DLG2: variants seen among roughly 807,000 people sequenced by gnomAD.
DLG2 encodes discs large MAGUK scaffold protein 2.
DLG2 carries 45 observed loss-of-function variants against 132.5 expected under a neutral mutation model. The ratio of observed to expected loss-of-function variants is 0.34; its 90% confidence interval spans 0.27 to 0.44. The LOEUF (loss-of-function observed/expected upper bound fraction) is 0.44. DLG2 is among the 20% of genes least tolerant of loss of function. The pLI, the probability that DLG2 is intolerant of heterozygous loss-of-function variation, is 1.00. For missense variants in DLG2, 1,045 were observed against 1,196.9 expected, an observed-to-expected ratio of 0.87 and a Z score of 1.87; for synonymous variants, 424 against 419.6, an observed-to-expected ratio of 1.01 and a Z score of -0.13.
chr11:83,844,732 G>A (rs932564922), intron 16 of DLG2, among the ~76,000 whole-genome samples: 1 of 152,000 alleles, frequency 6.6e-6, no homozygotes. Context: ...TGAGGTCGAG[G>A]TGATCTCCAG....
chr11:84,085,806 A>G (rs191663909), intron 10 of DLG2, among the ~76,000 whole-genome samples: 1 of 152,336 alleles, frequency 6.6e-6, no homozygotes, highest in East Asian at 1.9e-4. Flanking sequence ...GAATCATCAC[A>G]TCTATGTCTC....
chr11:85,524,969 T>C (rs1211237507), intron 3 of DLG2: 1 of 152,188 alleles, frequency 6.6e-6, no homozygotes, highest in African/African-American at 2.4e-5. Context: ...AATACTGGCA[T>C]ACATTTGACA....
At chr11:84,503,153 G>A (rs1299763446) in intron 7 of DLG2, among the ~76,000 whole-genome samples, 1 of 152,128 alleles carries the variant, frequency 6.6e-6, no homozygotes, top group African/African-American at 2.4e-5. Context: ...GAGAGCAAGA[G>A]GTAATACAAT....
intron 19 of DLG2, among the ~76,000 whole-genome samples, chr11:83,543,951 A>G (rs1295677143): frequency 6.6e-6 from 1 of 152,168 alleles, no homozygotes; most frequent in Admixed American, 6.6e-5. Flanking sequence ...GTTTGTACAA[A>G]CAATATCATT....
At chr11:84,057,111 C>T (rs1016561693) in intron 11 of DLG2, among the ~76,000 whole-genome samples, 13 of 152,144 alleles carry the variant, frequency 8.5e-5, no homozygotes, top group African/African-American at 2.9e-4. Context: ...CCAGGTCCCA[C>T]AGCAATTACT....
chr11:84,680,627 T>G (rs1007789822), intron 6 of DLG2, among the ~76,000 whole-genome samples: 1 of 152,198 alleles, frequency 6.6e-6, no homozygotes, highest in African/African-American at 2.4e-5. Flanking sequence ...TGAAATAAAC[T>G]TTTGCTTTGC....
chr11:83,672,360 A>T (rs969807961), intron 18 of DLG2, among the ~76,000 whole-genome samples: 1 of 152,042 alleles, frequency 6.6e-6, no homozygotes, highest in Admixed American at 6.6e-5. Context: ...TACTTTTAGT[A>T]GATACAGGGT....
At chr11:83,907,652 C>T (rs1482246582) in intron 15 of DLG2, among the ~76,000 whole-genome samples, 1 of 152,094 alleles carries the variant, frequency 6.6e-6, no homozygotes, top group Non-Finnish European at 1.5e-5. Context: ...GGCCCATCAA[C>T]ATGCTCAATA....
At chr11:85,399,506 C>T (rs977844466) in intron 3 of DLG2, among the ~76,000 whole-genome samples, 257 of 152,304 alleles carry the variant, frequency 1.7e-3, no homozygotes, top group Middle Eastern at 3.4e-3. Flanking sequence ...AAGCTGGAGG[C>T]ATCACGCTAC....
At chr11:83,781,436 T>A (rs935110151) in intron 18 of DLG2, among the ~76,000 whole-genome samples, 1 of 152,204 alleles carries the variant, frequency 6.6e-6, no homozygotes, top group Non-Finnish European at 1.5e-5. Flanking sequence ...GTGGTCACTC[T>A]GCCACAATTC....
intron 6 of DLG2, among the ~76,000 whole-genome samples, chr11:84,712,886 G>GT (rs1479208082): frequency 1.3e-5 from 2 of 152,106 alleles, no homozygotes; most frequent in Admixed American, 6.5e-5. Context: ...ATAACATTGA[G>GT]TTCGAAACTA....
chr11:83,983,984 G>A lies in DLG2; in HGVS notation c.920-3342C>T, dbSNP rs115344326. On this transcript the variant is annotated intron_variant, in intron 11 of 27. Coordinates refer to ENST00000376104, the MANE Select transcript of DLG2 (RefSeq NM_001142699.3). ...GAGGTTATTCCAAACTCTGAAAAGA[G>A]AAGGCTAAAACAAATTCAGAGACTC... Among the ~76,000 whole-genome samples the A allele has an allele frequency of 7.7e-3, 1,169 of 152,140 alleles. 15 individuals are homozygous for A. The highest frequency in any genetic ancestry group is 0.025 in the African/African-American group (1,046 of 41,546).
intron 7 of DLG2, among the ~76,000 whole-genome samples, chr11:84,368,289 T>TC (rs2098692219): frequency 6.6e-6 from 1 of 152,148 alleles, no homozygotes; most frequent in African/African-American, 2.4e-5. Context: ...AGCTTTTTTT[T>TC]CCCAGCATAT....
At chr11:85,084,897 G>A (rs919696481) in intron 6 of DLG2, among the ~76,000 whole-genome samples, 3 of 152,034 alleles carry the variant, frequency 2.0e-5, no homozygotes, top group Non-Finnish European at 2.9e-5. Flanking sequence ...TTCTCAAAAT[G>A]GTATAAATTT....
intron 17 of DLG2, among the ~76,000 whole-genome samples, chr11:83,787,981 T>C (rs2040479855): frequency 6.6e-6 from 1 of 152,202 alleles, no homozygotes; most frequent in South Asian, 2.1e-4. Context: ...TCAAGAAGTT[T>C]TTCTGATGAA....
intron 7 of DLG2, among the ~76,000 whole-genome samples, chr11:84,482,196 A>G (rs969456347): frequency 6.6e-6 from 1 of 152,214 alleles, no homozygotes; most frequent in South Asian, 2.1e-4. Context: ...TCTTCTTTTT[A>G]AAAAGCTAAA....
At chr11:84,910,780 C>CAACAAA (rs1360361944) in intron 6 of DLG2, among the ~76,000 whole-genome samples, 9 of 152,034 alleles carry the variant, frequency 5.9e-5, no homozygotes, top group Non-Finnish European at 1.0e-4. Context: ...ACAACAACAA[C>CAACAAA]AACAACAACA....
intron 3 of DLG2, among the ~76,000 whole-genome samples, chr11:85,381,132 T>C (rs1183652945): frequency 5.3e-5 from 8 of 152,204 alleles, no homozygotes. Flanking sequence ...GCGACTGTAG[T>C]CTAATGAAGA....
intron 8 of DLG2, among the ~76,000 whole-genome samples, chr11:84,193,933 A>G (rs545523973): frequency 6.6e-6 from 1 of 152,322 alleles, no homozygotes; most frequent in East Asian, 1.9e-4. Context: ...AGAATCATCA[A>G]CACATAGAGG....
Sources: gnomAD v4.1 joint callset for allele counts (sites outside exome capture counted in the v4.1 genomes callset) on GRCh38, gnomAD v4.1.1 for gene constraint, MANE v1.5 for transcripts, NCBI Gene and HGNC (gene_info 2026-07-23, HGNC 2026-07-21) for gene names.